Variants in AATF observed in about 807,000 individuals in gnomAD.
AATF encodes the protein apoptosis antagonizing transcription factor.
Under a neutral mutation model 63.7 loss-of-function variants are expected in AATF, and 48 were observed. The ratio of observed to expected loss-of-function variants is 0.75; its 90% CI spans 0.60 to 0.96. The LOEUF is 0.96. AATF is among the 40% of genes least tolerant of loss of function. The pLI is 0.00. For missense variants in AATF, 639 were observed against 685.7 expected, an observed-to-expected ratio of 0.93 and a Z score of 0.76; for synonymous variants, 258 against 247.7, an observed-to-expected ratio of 1.04 and a Z score of -0.39.
Position 37,056,724 on chromosome 17 carries a change from G to T in AATF, c.*60G>T. On this transcript the variant is annotated 3_prime_UTR_variant, in exon 12 of 12. Coordinates refer to ENST00000619387, the MANE Select transcript of AATF (RefSeq NM_012138.4). ...GCTGGTGCGGCTGCTGGTCCAGATGGAGGAAACCAGTGACTTTATGGGGCT... is the reference window on the plus strand; with the variant it reads ...GCTGGTGCGGCTGCTGGTCCAGATGTAGGAAACCAGTGACTTTATGGGGCT... The T allele has an allele frequency of 6.4e-7, 1 of 1,558,126 alleles. No individual in the cohort carries two copies.
At chr17:37,026,463 C>G (rs1054009659) in intron 10 of AATF, among the ~76,000 whole-genome samples, 7 of 152,204 alleles carry the variant, frequency 4.6e-5, no homozygotes, top group African/African-American at 1.7e-4. Flanking sequence ...CACTGCTAAT[C>G]AGTTTACATG....
chr17:36,950,478 C>G, intron 2 of AATF, 73 bp downstream of exon 2: 1 of 1,426,136 alleles, frequency 7.0e-7, no homozygotes, highest in Non-Finnish European at 9.6e-7. Context: ...CGGTCATCCC[C>G]CATGATCTTT....
chr17:37,021,394 C>T (rs1181013591), intron 10 of AATF, among the ~76,000 whole-genome samples: 2 of 152,054 alleles, frequency 1.3e-5, no homozygotes, highest in Non-Finnish European at 2.9e-5. Flanking sequence ...TTTGGGAGGC[C>T]GAGGTGGGCA....
At chr17:37,050,507 A>T (rs1301446220) in intron 11 of AATF, among the ~76,000 whole-genome samples, 1 of 152,214 alleles carries the variant, frequency 6.6e-6, no homozygotes, top group Non-Finnish European at 1.5e-5. Context: ...CAGCATCAGT[A>T]CATCACCAAT....
intron 8 of AATF, among the ~76,000 whole-genome samples, chr17:37,007,153 A>G (rs1241017210): frequency 1.3e-5 from 2 of 152,096 alleles, no homozygotes; most frequent in African/African-American, 2.4e-5. Context: ...CTTGTTGACA[A>G]AATCTAGAAG....
chr17:37,020,649 G>A (rs2071462142), intron 9 of AATF, among the ~76,000 whole-genome samples: 2 of 152,190 alleles, frequency 1.3e-5, no homozygotes, highest in South Asian at 4.1e-4. Context: ...AAATCTGATG[G>A]GTTTGCCTGC....
At chr17:37,052,985 T>G (rs2071765888) in intron 11 of AATF, among the ~76,000 whole-genome samples, 1 of 152,182 alleles carries the variant, frequency 6.6e-6, no homozygotes, top group Non-Finnish European at 1.5e-5. Context: ...ACTGTGCGAT[T>G]TTTTGTGTGT....
rs533352335 is a variant in AATF, at chr17:37,026,038, G to A, written c.1547+5024G>A. ...CATATCTATACCCCCTGTGTCTTCAGTAGAAAGATACAACATCATTTCTGT... is the reference window on the plus strand; with the variant it reads ...CATATCTATACCCCCTGTGTCTTCAATAGAAAGATACAACATCATTTCTGT... On this transcript the variant is annotated intron_variant, in intron 10 of 11. Coordinates refer to ENST00000619387, the MANE Select transcript of AATF (RefSeq NM_012138.4). 2.6e-5 allele frequency among the ~76,000 whole-genome samples: 4 copies of A among 152,280 alleles called. No homozygotes were observed. In the East Asian group the frequency reaches 5.8e-4, roughly 22 times the overall value.
chr17:37,004,710 G>A (rs1336694183), intron 8 of AATF, among the ~76,000 whole-genome samples: 1 of 152,128 alleles, frequency 6.6e-6, no homozygotes, highest in Non-Finnish European at 1.5e-5. Context: ...GTGATAAGAT[G>A]TAGGAGGATA....
intron 4 of AATF, among the ~76,000 whole-genome samples, chr17:36,962,144 A>G (rs1353193108): frequency 6.6e-6 from 1 of 152,200 alleles, no homozygotes; most frequent in Admixed American, 6.5e-5. Context: ...AATGAAGGCA[A>G]TCATTTCTTG....
chr17:36,968,086 C>CT (rs994299695), intron 4 of AATF, among the ~76,000 whole-genome samples: 1 of 151,192 alleles, frequency 6.6e-6, no homozygotes, highest in Non-Finnish European at 1.5e-5. Flanking sequence ...TCTCTGTCCT[C>CT]TCTCTTTCTG....
In AATF at chr17:37,028,803, A is replaced by G. The variant is rs1246654268; in HGVS notation, c.1548-2811A>G. 2.6e-5 allele frequency among the ~76,000 whole-genome samples: 4 copies of G among 152,182 alleles called. No individual in the cohort carries two copies. In the South Asian group the frequency reaches 6.2e-4, roughly 24 times the overall value. On this transcript the variant is annotated intron_variant, in intron 10 of 11. Coordinates refer to ENST00000619387, the MANE Select transcript of AATF (RefSeq NM_012138.4). The stretch of plus-strand genomic sequence containing the variant: ...TGTCTCAACAACAACAACAGCAACA[A>G]AAAGTGAAGAATTAGAAGCAATGTA...
intron 11 of AATF, among the ~76,000 whole-genome samples, chr17:37,032,497 T>C (rs999344565): frequency 1.3e-5 from 2 of 152,196 alleles, no homozygotes; most frequent in Admixed American, 1.3e-4. Context: ...TCAGTCTTTC[T>C]TGAAGGAGCC....
In AATF at chr17:36,949,158, G is replaced by A. The variant is rs771968448; in HGVS notation, c.33G>A (p.Leu11=). 2 of 1,590,434 alleles carry A rather than the reference G, an allele frequency of 1.3e-6. No individual in the cohort carries two copies. Among genetic ancestry groups the A allele is most frequent in the African/African-American group, 2.7e-5 (2 of 74,682 alleles). MAGPQPLALQ[L]EQLLNPRPSE... ...GGCCGCAGCCCCTGGCGCTGCAACT[G>A]GAACAGTTGTTGAACCCGCGACCAA... The change falls in exon 1 of 12, where the codon CTG becomes CTA. Residue 11 remains leucine, a synonymous_variant. Coordinates refer to ENST00000619387, the MANE Select transcript of AATF (RefSeq NM_012138.4).
Position 37,056,731 on chromosome 17 carries a change from C to T in AATF, c.*67C>T. The T allele has an allele frequency of 6.5e-7, 1 of 1,535,984 alleles. No homozygotes were observed. Among genetic ancestry groups the T allele is most frequent in the South Asian group, 1.1e-5 (1 of 89,262 alleles). Reference sequence around the variant, plus strand: ...CGGCTGCTGGTCCAGATGGAGGAAACCAGTGACTTTATGGGGCTGAGCTAG... The same window carrying T: ...CGGCTGCTGGTCCAGATGGAGGAAATCAGTGACTTTATGGGGCTGAGCTAG... On this transcript the variant is annotated 3_prime_UTR_variant, in exon 12 of 12. Transcript: ENST00000619387.
chr17:36,988,391 T>C lies in AATF; in HGVS notation c.948-128T>C, dbSNP rs112086906. On this transcript the variant is annotated intron_variant, in intron 5 of 11. Coordinates refer to ENST00000619387, the MANE Select transcript of AATF (RefSeq NM_012138.4). Reference sequence around the variant, plus strand: ...AGAGCAAAAGCCATCCTTATATCTTTGGTGTTATTTTGAATGGAGACAGAA... The same window carrying C: ...AGAGCAAAAGCCATCCTTATATCTTCGGTGTTATTTTGAATGGAGACAGAA... The C allele has an allele frequency of 1.3e-3, 1,011 of 808,156 alleles. 11 individuals carry two copies. In the African/African-American group the frequency reaches 0.016, roughly 13 times the overall value. 50.1% of individuals were successfully genotyped at this position (808,156 alleles called of 1,614,324 possible).
At chr17:37,015,707 C>T (rs115138003) in intron 8 of AATF, among the ~76,000 whole-genome samples, 1 of 152,120 alleles carries the variant, frequency 6.6e-6, no homozygotes, top group Non-Finnish European at 1.5e-5. Context: ...GGTGGGAGGG[C>T]AGACACCATT....
chr17:36,956,204 G>A (rs73283940), intron 4 of AATF, among the ~76,000 whole-genome samples: 2,528 of 152,254 alleles, frequency 0.017, 76 homozygotes, highest in African/African-American at 0.057. Context: ...AATCTGACAG[G>A]GTGGGTTGTG....
intron 4 of AATF, among the ~76,000 whole-genome samples, chr17:36,962,920 G>A (rs1294214244): frequency 6.6e-6 from 1 of 152,076 alleles, no homozygotes; most frequent in Non-Finnish European, 1.5e-5. Context: ...TCAGGTGTTC[G>A]AGACCAGTTC....
Sources: allele counts gnomAD v4.1 joint callset (sites outside exome capture counted in the v4.1 genomes callset), GRCh38; gene constraint gnomAD v4.1.1; transcripts MANE v1.5; gene names NCBI Gene and HGNC (gene_info 2026-07-23, HGNC 2026-07-21).